Variants in ZNF565 observed in about 807,000 individuals in gnomAD.
The protein encoded by ZNF565 is zinc finger protein 565.
Under a neutral mutation model 39.4 loss-of-function variants are expected in ZNF565, and 27 were observed. That is an observed-to-expected ratio of 0.69 (90% CI 0.51 to 0.95). ZNF565 has a LOEUF of 0.95. Among genes scored for constraint, ZNF565 ranks in the 40% least tolerant of loss-of-function variants. The pLI is 0.00. For synonymous variants in ZNF565, 185 were observed against 216.6 expected (o/e 0.85, Z 1.28); for missense variants, 524 against 621.1 (o/e 0.84, Z 1.66).
chr19:36,229,398 T>G (rs1021405298), intron 1 of ZNF565, among the ~76,000 whole-genome samples: 4 of 152,196 alleles, frequency 2.6e-5, no homozygotes, highest in African/African-American at 4.8e-5. Context: ...GGGGTCTATA[T>G]GTATGGCACA....
intron 2 of ZNF565, among the ~76,000 whole-genome samples, chr19:36,199,070 T>C (rs534719259): frequency 1.3e-5 from 2 of 152,150 alleles, no homozygotes; most frequent in South Asian, 4.1e-4. Flanking sequence ...CTGACAAAAA[T>C]TAAAAATTAA....
chr19:36,204,463 GT>G (rs201176463), intron 1 of ZNF565, among the ~76,000 whole-genome samples: 1,553 of 152,284 alleles, frequency 0.01, 11 homozygotes, highest in Admixed American at 0.014. Flanking sequence ...GAGTTGTGTA[GT>G]TTGAAGAAAG....
At position 36,222,959 on chromosome 19, in the gene ZNF565, C is replaced by T. The variant is rs547656860; in HGVS notation, c.56-20909G>A. On this transcript the variant is annotated intron_variant, in intron 1 of 4. Coordinates refer to the ZNF565 transcript ENST00000355114. The stretch of plus-strand genomic sequence containing the variant: ...TGGTTGGTGAGCACAGAGACATCCC[C>T]GCACCACACCAAAGACCTTTTTATT... 1.1e-4 allele frequency among the ~76,000 whole-genome samples: 17 copies of T among 151,756 alleles called. No homozygotes were observed. The East Asian group carries it at 2.7e-3, about 24-fold the overall frequency.
At chr19:36,203,331 T>C (rs971850552) in intron 1 of ZNF565, 3 of 97,822 alleles carry the variant, frequency 3.1e-5, no homozygotes, top group Non-Finnish European at 5.9e-5. Context: ...AACAAAACTC[T>C]GTCTCAAAAA....
At chr19:36,204,068 G>A (rs1267496029) in intron 1 of ZNF565, among the ~76,000 whole-genome samples, 2 of 150,794 alleles carry the variant, frequency 1.3e-5, no homozygotes, top group African/African-American at 4.9e-5. Context: ...TTCCACCTCG[G>A]CCTCCCAAGT....
chr19:36,205,493 A>G lies in ZNF565; in HGVS notation c.-65-3443T>C, dbSNP rs111525245. On this transcript the variant is annotated intron_variant, in intron 1 of 4. Transcript: ENST00000304116. Reference sequence around the variant, plus strand: ...CGGTGAGCCGAGATGGCACCATTGCACTCCAGCCTGGGGAACAGAGTGAGA... The same window carrying G: ...CGGTGAGCCGAGATGGCACCATTGCGCTCCAGCCTGGGGAACAGAGTGAGA... Among the ~76,000 whole-genome samples the G allele has an allele frequency of 6.4e-4, 97 of 152,250 alleles. 1 individual carries two copies. Among genetic ancestry groups the G allele is most frequent in the Non-Finnish European group, 1.3e-3 (89 of 68,012 alleles).
chr19:36,240,205 TG>T (rs1397631097), intron 1 of ZNF565, among the ~76,000 whole-genome samples: 2 of 152,232 alleles, frequency 1.3e-5, no homozygotes, highest in Non-Finnish European at 2.9e-5. Flanking sequence ...AAAATACAAA[TG>T]TTAATATACA....
At chr19:36,217,080 T>TTTTTA (rs1491187199), upstream of ZNF565, among the ~76,000 whole-genome samples, 1 of 125,118 alleles carries the variant, frequency 8.0e-6, no homozygotes, top group Non-Finnish European at 1.7e-5. Flanking sequence ...TTTTTTTTTT[T>TTTTTA]GAGATGGAGT....
rs377410312 is a variant in ZNF565 at position 36,237,163 on chromosome 19, T to C, written c.55+8313A>G. On this transcript the variant is annotated intron_variant, in intron 1 of 4. Transcript: ENST00000355114. ...GCCATACAGGGGAGAAGCCCTATGG[T>C]TGTAATGAATGTGGGAAAGCTTTCT... The C allele has an allele frequency of 6.2e-6, 10 of 1,614,072 alleles. No homozygotes were observed. The African/African-American group carries it at 1.3e-4, about 22-fold the overall frequency.
At chr19:36,243,164 G>T (rs1977827589) in intron 1 of ZNF565, among the ~76,000 whole-genome samples, 1 of 152,134 alleles carries the variant, frequency 6.6e-6, no homozygotes, top group Non-Finnish European at 1.5e-5. Flanking sequence ...CTCTTGAGTA[G>T]CTGGGATGAC....
At chr19:36,224,675 C>T (rs745713167) in intron 1 of ZNF565, among the ~76,000 whole-genome samples, 1 of 152,226 alleles carries the variant, frequency 6.6e-6, no homozygotes, top group East Asian at 1.9e-4. Flanking sequence ...TAGCTTGTCT[C>T]GTTCCAGAGG....
intron 1 of ZNF565, among the ~76,000 whole-genome samples, chr19:36,233,849 TC>T (rs1431810641): frequency 6.6e-6 from 1 of 152,190 alleles, no homozygotes; most frequent in Non-Finnish European, 1.5e-5. Context: ...ACAGATGCCT[TC>T]CTCTTATCTC....
chr19:36,200,030 A>ATT (rs556993580), intron 2 of ZNF565, among the ~76,000 whole-genome samples: 8 of 144,922 alleles, frequency 5.5e-5, no homozygotes, highest in Non-Finnish European at 1.5e-5. Context: ...AAGAAATATA[A>ATT]TTTTTTTTTT....
chr19:36,228,003 A>G (rs1599976933), intron 1 of ZNF565, among the ~76,000 whole-genome samples: 2 of 152,128 alleles, frequency 1.3e-5, no homozygotes, highest in Admixed American at 1.3e-4. Context: ...TCTACTAAAA[A>G]TACAAAATTA....
intron 1 of ZNF565, among the ~76,000 whole-genome samples, chr19:36,220,445 A>G (rs1322042664): frequency 2.6e-5 from 4 of 151,802 alleles, no homozygotes; most frequent in East Asian, 1.9e-4. Context: ...GCTCACTGCA[A>G]TCTCCGCCTC....
intron 1 of ZNF565, among the ~76,000 whole-genome samples, chr19:36,207,744 C>G (rs1042486887): frequency 2.0e-5 from 3 of 152,162 alleles, no homozygotes; most frequent in Admixed American, 1.3e-4. Flanking sequence ...AATGAAATCT[C>G]AGCTGAGGTG....
At chr19:36,229,116 C>T (rs1977208401) in intron 1 of ZNF565, among the ~76,000 whole-genome samples, 1 of 152,220 alleles carries the variant, frequency 6.6e-6, no homozygotes, top group Non-Finnish European at 1.5e-5. Context: ...CTTTTCCTGT[C>T]CTCACACATT....
At position 36,211,575 on chromosome 19, in the gene ZNF565, C is replaced by T. The variant is rs552855448; in HGVS notation, c.-66+3047G>A. ...TTGGGAGGCCAAGGTGGGTGGATCACGAGGTTAGGAGATCGAGACCATCCT... is the reference window on the plus strand; with the variant it reads ...TTGGGAGGCCAAGGTGGGTGGATCATGAGGTTAGGAGATCGAGACCATCCT... On this transcript the variant is annotated intron_variant, in intron 1 of 4. Transcript: ENST00000304116. Among the ~76,000 whole-genome samples the T allele has an allele frequency of 4.6e-5, 7 of 152,048 alleles. No homozygotes were observed. The Middle Eastern group carries it at 0.014, about 298-fold the overall frequency.
At chr19:36,187,278 G>T (rs1249667016) in intron 4 of ZNF565, among the ~76,000 whole-genome samples, 2 of 151,832 alleles carry the variant, frequency 1.3e-5, no homozygotes, top group Admixed American at 1.3e-4. Context: ...ATTCCATTCA[G>T]CAGGAAGATT....
Sources: gnomAD v4.1 joint callset for allele counts (sites outside exome capture counted in the v4.1 genomes callset) on GRCh38, gnomAD v4.1.1 for gene constraint, MANE v1.5 for transcripts, NCBI Gene and HGNC (gene_info 2026-07-23, HGNC 2026-07-21) for gene names.